The following ST3GAL3 variants were observed in gnomAD, a reference collection of about 807,000 sequenced individuals.
ST3GAL3 encodes the protein ST3 beta-galactoside alpha-2,3-sialyltransferase 3.
Under a neutral mutation model 50.1 loss-of-function variants are expected in ST3GAL3, and 21 were observed. That is an observed-to-expected ratio of 0.42 (90% CI 0.30 to 0.60). The LOEUF (loss-of-function observed/expected upper bound fraction) is 0.60. ST3GAL3 is among the 20% of genes least tolerant of loss of function. ST3GAL3 has a pLI of 0.19. For synonymous variants in ST3GAL3, 183 were observed against 190.0 expected, an observed-to-expected ratio of 0.96 and a Z score of 0.30; for missense variants, 353 against 489.4, an observed-to-expected ratio of 0.72 and a Z score of 2.63.
At chr1:43,917,622 T>A (rs1557539600) in intron 9 of ST3GAL3, among the ~76,000 whole-genome samples, 2 of 72,994 alleles carry the variant, frequency 2.7e-5, no homozygotes, top group Non-Finnish European at 4.9e-5. Flanking sequence ...ATATATTATA[T>A]TATATATAAT....
chr1:43,856,455 C>T (rs370186661), intron 5 of ST3GAL3, among the ~76,000 whole-genome samples: 12 of 152,198 alleles, frequency 7.9e-5, no homozygotes, highest in Admixed American at 2.0e-4. Context: ...AGGCTCTGAA[C>T]CATGGACCTA....
At chr1:43,903,506 G>A (rs2078643521) in intron 9 of ST3GAL3, among the ~76,000 whole-genome samples, 1 of 152,188 alleles carries the variant, frequency 6.6e-6, no homozygotes, top group South Asian at 2.1e-4. Context: ...GAGCACCTCT[G>A]ACTGGTCATC....
At chr1:43,901,469 C>G (rs950954889) in intron 9 of ST3GAL3, among the ~76,000 whole-genome samples, 1 of 152,210 alleles carries the variant, frequency 6.6e-6, no homozygotes, top group Non-Finnish European at 1.5e-5. Flanking sequence ...ATCACATGTT[C>G]CTTCCAAGAA....
intron 5 of ST3GAL3, among the ~76,000 whole-genome samples, chr1:43,871,431 T>A (rs1283661718): frequency 2.0e-5 from 3 of 147,422 alleles, no homozygotes; most frequent in African/African-American, 7.6e-5. Context: ...GAGGACGGGG[T>A]GTGAGGGAGA....
At chr1:43,752,547 C>G (rs1686564777) in intron 2 of ST3GAL3, among the ~76,000 whole-genome samples, 1 of 152,160 alleles carries the variant, frequency 6.6e-6, no homozygotes, top group African/African-American at 2.4e-5. Flanking sequence ...GTGTCCCAGG[C>G]TGGAGTGCAG....
At chr1:43,879,914 C>T (rs1207106987) in intron 5 of ST3GAL3, among the ~76,000 whole-genome samples, 1 of 152,212 alleles carries the variant, frequency 6.6e-6, no homozygotes, top group African/African-American at 2.4e-5. Context: ...CTGACTTTTC[C>T]TGCTCCTACT....
chr1:43,758,659 T>C (rs1031979110), intron 2 of ST3GAL3, among the ~76,000 whole-genome samples: 4 of 152,160 alleles, frequency 2.6e-5, no homozygotes, highest in African/African-American at 7.2e-5. Context: ...TTTTTTCAGT[T>C]AATTATGTAG....
At chr1:43,801,361 A>G (rs1302258297) in intron 3 of ST3GAL3, 5 of 456,194 alleles carry the variant, frequency 1.1e-5, no homozygotes, top group Middle Eastern at 3.2e-4. Flanking sequence ...CGGAAATGCC[A>G]GTAGCATGTT....
At chr1:43,765,319 G>A (rs1056743264) in intron 2 of ST3GAL3, among the ~76,000 whole-genome samples, 1 of 152,174 alleles carries the variant, frequency 6.6e-6, no homozygotes, top group Non-Finnish European at 1.5e-5. Context: ...TCTCAGTGAA[G>A]AGACCTCTCT....
At chr1:43,886,147 G>A (rs569023413) in intron 5 of ST3GAL3, among the ~76,000 whole-genome samples, 3 of 152,344 alleles carry the variant, frequency 2.0e-5, no homozygotes, top group East Asian at 1.9e-4. Flanking sequence ...TTGGGAGGCC[G>A]AGGCGGGCAG....
At chr1:43,857,206 C>G (rs916389375) in intron 5 of ST3GAL3, among the ~76,000 whole-genome samples, 2 of 152,126 alleles carry the variant, frequency 1.3e-5, no homozygotes, top group African/African-American at 4.8e-5. Context: ...CCCAGACAGG[C>G]AAAAGGCAGT....
At chr1:43,904,328 C>T (rs1476368724) in intron 9 of ST3GAL3, among the ~76,000 whole-genome samples, 1 of 152,098 alleles carries the variant, frequency 6.6e-6, no homozygotes, top group Non-Finnish European at 1.5e-5. Context: ...AGAGCCTTAG[C>T]GTGGACTCTG....
intron 5 of ST3GAL3, among the ~76,000 whole-genome samples, chr1:43,868,657 A>T (rs561999525): frequency 4.6e-5 from 7 of 152,270 alleles, no homozygotes; most frequent in African/African-American, 1.2e-4. Context: ...CTCTTCTGGG[A>T]TAAAACCCTT....
chr1:43,751,882 C>T (rs1025869665), intron 2 of ST3GAL3, among the ~76,000 whole-genome samples: 5 of 151,844 alleles, frequency 3.3e-5, no homozygotes, highest in African/African-American at 1.2e-4. Context: ...TGCAGTGGCG[C>T]GATCTCGGCT....
intron 4 of ST3GAL3, among the ~76,000 whole-genome samples, chr1:43,818,383 T>C (rs1182373727): frequency 1.3e-5 from 2 of 152,178 alleles, no homozygotes; most frequent in Non-Finnish European, 1.5e-5. Context: ...ACTCAGGTGA[T>C]CCAGGGAACC....
chr1:43,833,265 T>G (rs887252507), intron 4 of ST3GAL3, among the ~76,000 whole-genome samples: 1 of 152,230 alleles, frequency 6.6e-6, no homozygotes, highest in African/African-American at 2.4e-5. Flanking sequence ...GGTAACCAAC[T>G]GATTTCAGTC....
At chr1:43,820,150 G>A (rs1190152860) in intron 4 of ST3GAL3, among the ~76,000 whole-genome samples, 1 of 151,948 alleles carries the variant, frequency 6.6e-6, no homozygotes, top group African/African-American at 2.4e-5. Context: ...CAGAAATAAA[G>A]CCACACAGCT....
chr1:43,908,629 CTTTTTTTTT>C, intron 9 of ST3GAL3, among the ~76,000 whole-genome samples: 1 of 140,692 alleles, frequency 7.1e-6, no homozygotes, highest in East Asian at 2.1e-4. Flanking sequence ...CCTTGCCACT[CTTTTTTTTT>C]TTTTTTTGAA....
chr1:43,736,423 C>T (rs755202389), intron 2 of ST3GAL3, 43 bp downstream of exon 2: 6 of 1,613,972 alleles, frequency 3.7e-6, no homozygotes, highest in African/African-American at 2.7e-5. Flanking sequence ...AAGCCTGTTG[C>T]AGGTCAGTTA....
Sources: allele counts gnomAD v4.1 joint callset (sites outside exome capture counted in the v4.1 genomes callset), GRCh38; gene constraint gnomAD v4.1.1; transcripts MANE v1.5; gene names NCBI Gene and HGNC (gene_info 2026-07-23, HGNC 2026-07-21).